The following CCNT1 variants were observed in gnomAD, a reference collection of about 807,000 sequenced individuals.
CCNT1 encodes the protein cyclin T1, also known as cyclin-T1.
In CCNT1, 18 loss-of-function variants were observed where a neutral mutation model predicts 67.3. The ratio of observed to expected loss-of-function variants is 0.27; its 90% CI spans 0.18 to 0.40. The LOEUF is 0.40. Among genes scored for constraint, CCNT1 ranks in the 10% least tolerant of loss-of-function variants. The pLI, the probability that CCNT1 is intolerant of heterozygous loss-of-function variation, is 1.00. For missense variants in CCNT1, 744 were observed against 884.9 expected (o/e 0.84, Z 2.02); for synonymous variants, 333 against 310.3 (o/e 1.07, Z -0.77).
chr12:48,705,705 G>C (rs534452648), intron 3 of CCNT1, 63 bp downstream of exon 3: 1 of 1,338,490 alleles, frequency 7.5e-7, no homozygotes, highest in African/African-American at 1.5e-5. Flanking sequence ...GCATGCTTGG[G>C]AGTAGGGAAA....
At position 48,697,532 on chromosome 12, in the gene CCNT1, A is replaced by ATATAT. The variant is rs1435532161; in HGVS notation, c.542+605_542+606insATATA. Among the ~76,000 whole-genome samples, 52 of 119,160 alleles carry ATATAT rather than the reference A, an allele frequency of 4.4e-4. 1 individual carries two copies. Among genetic ancestry groups the ATATAT allele is most frequent in the African/African-American group, 1.6e-3 (48 of 30,836 alleles). 78.2% of individuals were successfully genotyped at this position (119,160 alleles called of 152,430 possible). A position where few individuals can be genotyped will look rare whatever the true frequency, so the allele number is the denominator to read the frequency against. ...AGTGAGACTCTGTCTTAAAAAAAAAAAAATATATATATATATATATATATA... is the reference window on the plus strand; with the variant it reads ...AGTGAGACTCTGTCTTAAAAAAAAAATATATAAATATATATATATATATATATATA... On this transcript the variant is annotated intron_variant, in intron 6 of 8. Coordinates refer to ENST00000261900, the MANE Select transcript of CCNT1 (RefSeq NM_001240.4).
intron 1 of CCNT1, among the ~76,000 whole-genome samples, chr12:48,715,752 C>T (rs547767451): frequency 6.6e-6 from 1 of 152,280 alleles, no homozygotes; most frequent in South Asian, 2.1e-4. Flanking sequence ...CGTGAGCCAC[C>T]GCATCCAGCC....
At chr12:48,712,004 C>T (rs1357256131) in intron 2 of CCNT1, among the ~76,000 whole-genome samples, 1 of 152,072 alleles carries the variant, frequency 6.6e-6, no homozygotes, top group African/African-American at 2.4e-5. Context: ...CCATGTTAGC[C>T]AGGATGGTCT....
intron 6 of CCNT1, among the ~76,000 whole-genome samples, chr12:48,697,026 G>C (rs1211369275): frequency 2.0e-5 from 3 of 151,954 alleles, no homozygotes; most frequent in African/African-American, 7.3e-5. Flanking sequence ...TAAAGATGTG[G>C]TTTCACCATG....
chr12:48,693,768 C>T lies in CCNT1; in HGVS notation c.1446G>A (p.Met482Ile), dbSNP rs1363488133. The change falls in exon 9 of 9, where the codon ATG (methionine) becomes ATA (isoleucine). Residue 482 changes from methionine (M) to isoleucine (I), a missense_variant. Around this residue, in one of 3 missense-constraint regions of CCNT1, gnomAD observed 564 missense variants for 574.2 expected, o/e 0.98. Coordinates refer to ENST00000261900, the MANE Select transcript of CCNT1 (RefSeq NM_001240.4). Reference protein sequence around the residue: ...AASSKPEEIKMRIKVHAAADK... With the variant: ...AASSKPEEIKIRIKVHAAADK... ...CAGCTGCAGCATGGACTTTTATGCG[C>T]ATTTTTATCTCCTCTGGTTTTGAAG... 2 of 1,614,014 alleles carry T rather than the reference C, an allele frequency of 1.2e-6. No individual in the cohort carries two copies. Among genetic ancestry groups the T allele is most frequent in the African/African-American group, 2.7e-5 (2 of 74,912 alleles).
chr12:48,700,888 A>G lies in CCNT1; in HGVS notation c.433+125T>C, dbSNP rs1375941113. ...TAAACTCAGGTCTACAACCTCTATC[A>G]TCTGGAAACAGAGGGACACTACAAA... On this transcript the variant is annotated intron_variant, in intron 4 of 8. Coordinates refer to ENST00000261900, the MANE Select transcript of CCNT1 (RefSeq NM_001240.4). The G allele has an allele frequency of 1.0e-5, 6 of 576,012 alleles. No homozygotes were observed. The East Asian group carries it at 1.8e-4, about 17-fold the overall frequency. 35.7% of individuals were successfully genotyped at this position (576,012 alleles called of 1,614,324 possible).
In CCNT1 at chr12:48,705,915, A is replaced by G; in HGVS notation, c.244-19T>C. The G allele has an allele frequency of 6.2e-7, 1 of 1,601,096 alleles. No homozygotes were observed. Among genetic ancestry groups the G allele is most frequent in the East Asian group, 2.2e-5 (1 of 44,738 alleles). On this transcript the variant is annotated intron_variant, in intron 2 of 8. Transcript: ENST00000261900. Reference sequence around the variant, plus strand: ...CCACAGACTGAATGGAGAGAAAATAAATCATATTTATTATCAATTTATTCA... The same window carrying G: ...CCACAGACTGAATGGAGAGAAAATAGATCATATTTATTATCAATTTATTCA...
In CCNT1 at chr12:48,701,038, T is replaced by C. The variant is rs367935435; in HGVS notation, c.408A>G (p.Leu136=). Reference sequence around the variant, plus strand: ...CTAAAGTCTGCAAAATTATGCTTTCTAAAATGACCAGATCTTGAACTTGTT... The same window carrying C: ...CTAAAGTCTGCAAAATTATGCTTTCCAAAATGACCAGATCTTGAACTTGTT... ...YLQQVQDLVI[L]ESIILQTLGF... is the part of the protein sequence containing the mutation. Residue 136 remains leucine (L), a synonymous_variant, in exon 4 of 9, where the codon TTA becomes TTG. Transcript: ENST00000261900. 157 of 1,588,808 alleles carry C rather than the reference T, an allele frequency of 9.9e-5. No individual in the cohort carries two copies. The highest frequency in any genetic ancestry group is 1.3e-4 in the Non-Finnish European group (146 of 1,165,316).
intron 2 of CCNT1, among the ~76,000 whole-genome samples, chr12:48,713,057 C>T (rs1008226854): frequency 1.4e-4 from 21 of 152,180 alleles, no homozygotes; most frequent in African/African-American, 4.8e-4. Context: ...GCATTCAATT[C>T]CAAGTCATTT....
At position 48,711,666 on chromosome 12, in the gene CCNT1, T is replaced by TTC. The variant is rs1007391070; in HGVS notation, c.243+2775_243+2776dup. On this transcript the variant is annotated intron_variant, in intron 2 of 8. Transcript: ENST00000261900. ...ATAGCCTCGTTAAATGCTAACAGGC[T>TTC]TCTCTCTCTTTTAATAAGAAGGATA... Among the ~76,000 whole-genome samples the TTC allele has an allele frequency of 2.0e-5, 3 of 152,258 alleles. No individual in the cohort carries two copies. In the South Asian group the frequency reaches 6.2e-4, roughly 32 times the overall value.
chr12:48,696,952 C>A (rs1940178575), intron 6 of CCNT1, among the ~76,000 whole-genome samples: 1 of 152,128 alleles, frequency 6.6e-6, no homozygotes, highest in Admixed American at 6.5e-5. Context: ...CGTGCCTCAG[C>A]CTCCCGAGTA....
At chr12:48,707,611 T>C (rs553350476) in intron 2 of CCNT1, among the ~76,000 whole-genome samples, 2 of 152,104 alleles carry the variant, frequency 1.3e-5, no homozygotes, top group Non-Finnish European at 2.9e-5. Flanking sequence ...ACTAAAGATT[T>C]TGAAAAATAT....
intron 6 of CCNT1, among the ~76,000 whole-genome samples, chr12:48,697,005 G>A (rs920760489): frequency 3.3e-5 from 5 of 151,908 alleles, no homozygotes; most frequent in Non-Finnish European, 7.4e-5. Context: ...GCCAATTTTC[G>A]TATTTTTTAG....
Position 48,694,226 on chromosome 12 carries a change from G to C in CCNT1, c.988C>G (p.Pro330Ala), listed in dbSNP as rs923760801. The change falls in exon 9 of 9, where the codon CCG becomes GCG. Residue 330 changes from proline (P) to alanine (A), a missense_variant. By Grantham distance (27) the Pro-to-Ala change is conservative. Transcript: ENST00000261900. The part of the protein sequence containing the change: ...SSNLTSVEML[P>A]GKRWLSSQPS... Reference sequence around the variant, plus strand: ...TGGGAGGACAGCCAACGCTTGCCCGGCAACATCTCCACACTGGTTAAGTTG... The same window carrying C: ...TGGGAGGACAGCCAACGCTTGCCCGCCAACATCTCCACACTGGTTAAGTTG... The C allele has an allele frequency of 6.8e-6, 11 of 1,614,046 alleles. No homozygotes were observed. In the African/African-American group the frequency reaches 1.3e-4, roughly 20 times the overall value.
At chr12:48,713,212 T>A (rs1052903301) in intron 2 of CCNT1, among the ~76,000 whole-genome samples, 2 of 151,462 alleles carry the variant, frequency 1.3e-5, no homozygotes, top group African/African-American at 4.8e-5. Flanking sequence ...TTTTTTTTTT[T>A]TTTGTAGAAA....
rs1364905936 is a variant in CCNT1, at chr12:48,706,451, A to G, written c.244-555T>C. ...AAACGAATTTCATTGTACGTGAATTATATCTCAATTACTTATACATATCGA... is the reference window on the plus strand; with the variant it reads ...AAACGAATTTCATTGTACGTGAATTGTATCTCAATTACTTATACATATCGA... On this transcript the variant is annotated intron_variant, in intron 2 of 8. Coordinates refer to ENST00000261900, the MANE Select transcript of CCNT1 (RefSeq NM_001240.4). Among the ~76,000 whole-genome samples the G allele has an allele frequency of 2.6e-5, 4 of 152,268 alleles. No individual in the cohort carries two copies. In the East Asian group the frequency reaches 7.7e-4, roughly 29 times the overall value.
intron 8 of CCNT1, among the ~76,000 whole-genome samples, chr12:48,694,723 T>C (rs114918672): frequency 0.018 from 2,716 of 152,362 alleles, 86 homozygotes; most frequent in African/African-American, 0.062. Flanking sequence ...CTTATGATTA[T>C]AGTTAGTCCA....
intron 2 of CCNT1, 114 bp downstream of exon 2, chr12:48,714,329 A>C: frequency 1.5e-6 from 1 of 665,066 alleles, no homozygotes; most frequent in Non-Finnish European, 2.7e-6. Context: ...GAAGTGATCA[A>C]CCCTAAATTC....
intron 4 of CCNT1, among the ~76,000 whole-genome samples, chr12:48,700,539 A>T (rs1157036044): frequency 6.6e-6 from 1 of 152,182 alleles, no homozygotes; most frequent in Admixed American, 6.6e-5. Flanking sequence ...CTAAACTTCT[A>T]AAGGCAGCCT....
Sources: gnomAD v4.1 joint callset for allele counts (sites outside exome capture counted in the v4.1 genomes callset) on GRCh38, gnomAD v4.1.1 for gene constraint, gnomAD v4.1.1 regional missense constraint, MANE v1.5 for transcripts, NCBI Gene and HGNC (gene_info 2026-07-23, HGNC 2026-07-21) for gene names.